Variants in ARID1A observed in about 807,000 individuals in gnomAD.
ARID1A encodes the protein AT-rich interaction domain 1A, also known as AT-rich interactive domain-containing protein 1A.
A neutral mutation model predicts 212.6 loss-of-function variants in ARID1A; 20 were observed. The observed-to-expected ratio is 0.09, with a 90% CI of 0.07 to 0.14. The LOEUF (loss-of-function observed/expected upper bound fraction) is 0.14, where lower values mean the gene tolerates loss of function less well. Ranked by LOEUF, ARID1A falls within the 10% of genes least tolerant of loss-of-function variation. ARID1A has a pLI of 1.00. For synonymous variants in ARID1A, 1,376 were observed against 1,222.1 expected, an observed-to-expected ratio of 1.13 and a Z score of -2.63; for missense variants, 2,587 against 3,059.0, an observed-to-expected ratio of 0.85 and a Z score of 3.64.
chr1:26,754,604 A>G (rs527790012), intron 4 of ARID1A, among the ~76,000 whole-genome samples: 2 of 152,296 alleles, frequency 1.3e-5, no homozygotes, highest in African/African-American at 4.8e-5. Flanking sequence ...CAGTTTGCCT[A>G]AGGTCACAAC....
At chr1:26,706,211 A>G (rs2080390797) in intron 1 of ARID1A, among the ~76,000 whole-genome samples, 1 of 152,122 alleles carries the variant, frequency 6.6e-6, no homozygotes, top group Admixed American at 6.5e-5. Context: ...TATGTTCCCA[A>G]GTCTGCAAAG....
chr1:26,736,902 CAA>C (rs35005598), intron 4 of ARID1A, among the ~76,000 whole-genome samples: 16 of 49,848 alleles, frequency 3.2e-4, no homozygotes, highest in South Asian at 6.9e-4. Context: ...AATTCTGTCT[CAA>C]AAAAAAAAAA....
chr1:26,761,296 T>G lies in ARID1A; in HGVS notation c.2162-88T>G, dbSNP rs2080989734. 1.3e-6 allele frequency: 2 copies of G among 1,535,062 alleles called. No individual in the cohort carries two copies. The highest frequency in any genetic ancestry group is 2.7e-5 in the African/African-American group (2 of 73,204). On this transcript the variant is annotated intron_variant, in intron 5 of 19. Transcript: ENST00000324856. Reference sequence around the variant, plus strand: ...TACTGGGAGGTACTTGGCCTCTTCATGAGCCATTTCTAGCTCTGAATTAAC... The same window carrying G: ...TACTGGGAGGTACTTGGCCTCTTCAGGAGCCATTTCTAGCTCTGAATTAAC...
intron 4 of ARID1A, among the ~76,000 whole-genome samples, chr1:26,746,742 T>G (rs1375917494): frequency 1.3e-5 from 2 of 152,132 alleles, no homozygotes; most frequent in Non-Finnish European, 2.9e-5. Context: ...ATACAAAAAA[T>G]TAGCTGGGTG....
intron 1 of ARID1A, among the ~76,000 whole-genome samples, chr1:26,709,328 C>T (rs1033508818): frequency 4.6e-5 from 7 of 152,100 alleles, no homozygotes; most frequent in Admixed American, 3.3e-4. Flanking sequence ...GAGTTGATAC[C>T]ACTATTCCCA....
chr1:26,706,408 T>G (rs1412776731), intron 1 of ARID1A, among the ~76,000 whole-genome samples: 2 of 152,304 alleles, frequency 1.3e-5, no homozygotes, highest in Middle Eastern at 3.4e-3. Flanking sequence ...CCAGGGGTGC[T>G]TGGGGGTTGT....
At position 26,771,081 on chromosome 1, in the gene ARID1A, G is replaced by A. The variant is rs535151857; in HGVS notation, c.3199-38G>A. The A allele has an allele frequency of 1.4e-5, 23 of 1,600,464 alleles. No homozygotes were observed. The East Asian group carries it at 3.6e-4, about 25-fold the overall frequency. The stretch of plus-strand genomic sequence containing the variant: ...GGGCTTATGGGCAGGAAAACCAGGC[G>A]GGAGATATACCTCGACTCCTTTGGT... On this transcript the variant is annotated intron_variant, in intron 11 of 19. Transcript: ENST00000324856. This position sits in a 1 kb window ranked among gnomAD's most constrained non-coding sequence, Gnocchi z 5.4.
intron 1 of ARID1A, among the ~76,000 whole-genome samples, chr1:26,715,589 T>A (rs765028200): frequency 9.2e-5 from 14 of 152,254 alleles, no homozygotes; most frequent in Non-Finnish European, 8.8e-5. Flanking sequence ...CCAGTGTGTC[T>A]TTGCGTACCA....
chr1:26,759,007 G>A (rs2080966258), intron 4 of ARID1A, among the ~76,000 whole-genome samples: 1 of 152,008 alleles, frequency 6.6e-6, no homozygotes, highest in South Asian at 2.1e-4. Flanking sequence ...GGTCCACCCA[G>A]CTTGGATACT....
intron 11 of ARID1A, chr1:26,770,087 AC>A (rs2081070526): frequency 6.6e-6 from 1 of 152,192 alleles, no homozygotes; most frequent in Admixed American, 6.6e-5. Context: ...GGTGACAGGC[AC>A]CTGTGGTCCC....
chr1:26,733,271 T>G (rs2080698255), intron 4 of ARID1A, among the ~76,000 whole-genome samples: 1 of 152,076 alleles, frequency 6.6e-6, no homozygotes, highest in Non-Finnish European at 1.5e-5. Context: ...TTTTTTTTAT[T>G]TTTGGTAGAG....
intron 4 of ARID1A, among the ~76,000 whole-genome samples, chr1:26,736,322 C>CAAAAAA (rs1159133678): frequency 3.8e-5 from 2 of 52,444 alleles, no homozygotes; most frequent in South Asian, 5.7e-4. Flanking sequence ...AACTCCATCT[C>CAAAAAA]AAAAAAAAAA....
intron 3 of ARID1A, among the ~76,000 whole-genome samples, chr1:26,731,866 T>C (rs1026116873): frequency 6.6e-6 from 1 of 152,200 alleles, no homozygotes; most frequent in Non-Finnish European, 1.5e-5. Flanking sequence ...TTAAAGATAA[T>C]GGGACTGGTT....
In ARID1A at chr1:26,772,936, G is replaced by C. The variant is rs2124107750; in HGVS notation, c.3664G>C (p.Gly1222Arg). Residue 1222 changes from glycine to arginine, a missense_variant, in exon 14 of 20, where the codon GGG becomes CGG. Gly to Arg is a moderately radical substitution (Grantham distance 125, BLOSUM62 -2). Transcript: ENST00000324856. ...CAGTATGAATACCTCTGACATGATG[G>C]GGCGCATGTCCTATGAGCCAAATAA... ...QPSMNTSDMM[G>R]RMSYEPNKDP... The C allele has an allele frequency of 6.2e-7, 1 of 1,613,980 alleles. No homozygotes were observed. The highest frequency in any genetic ancestry group is 8.5e-7 in the Non-Finnish European group (1 of 1,179,952).
intron 1 of ARID1A, among the ~76,000 whole-genome samples, chr1:26,717,976 TTTG>T (rs755964731): frequency 1.5e-4 from 23 of 152,252 alleles, no homozygotes; most frequent in Admixed American, 2.6e-4. Context: ...GTTATTTATT[TTTG>T]TTGTTGTTGT....
chr1:26,726,759 ATC>A (rs1242334679), intron 1 of ARID1A, among the ~76,000 whole-genome samples: 2 of 152,226 alleles, frequency 1.3e-5, no homozygotes, highest in Non-Finnish European at 2.9e-5. Flanking sequence ...AAAACACCTG[ATC>A]TCTGGCTTCC....
At chr1:26,747,256 T>G (rs556193845) in intron 4 of ARID1A, among the ~76,000 whole-genome samples, 6 of 152,228 alleles carry the variant, frequency 3.9e-5, no homozygotes, top group African/African-American at 1.4e-4. Flanking sequence ...CTGCCTGTTA[T>G]CAGCATAGAA....
In ARID1A at chr1:26,697,555, G is replaced by T; in HGVS notation, c.1137+15G>T. On this transcript the variant is annotated intron_variant, in intron 1 of 19. Coordinates refer to ENST00000324856, the MANE Select transcript of ARID1A (RefSeq NM_006015.6). Reference sequence around the variant, plus strand: ...GGACCCCTCAGGTACACAGCTGAGTGGGGAGGGGGCTGGGGCGAGCGTGGT... The same window carrying T: ...GGACCCCTCAGGTACACAGCTGAGTTGGGAGGGGGCTGGGGCGAGCGTGGT... 7.5e-7 allele frequency: 1 copy of T among 1,337,400 alleles called. No individual in the cohort carries two copies. The highest frequency in any genetic ancestry group is 2.0e-5 in the South Asian group (1 of 50,686). The allele number at this position is 1,337,400 out of a possible 1,614,324, so 82.8% of individuals were successfully genotyped here.
intron 1 of ARID1A, among the ~76,000 whole-genome samples, chr1:26,720,476 C>T (rs1300347453): frequency 1.0e-5 from 1 of 97,838 alleles, no homozygotes; most frequent in African/African-American, 4.0e-5. Flanking sequence ...GACTCCATCT[C>T]AAAAAAAAAA....
Sources: allele counts gnomAD v4.1 joint callset (sites outside exome capture counted in the v4.1 genomes callset), GRCh38; gene constraint gnomAD v4.1.1; non-coding constraint Gnocchi (gnomAD v3.1); transcripts MANE v1.5; gene names NCBI Gene and HGNC (gene_info 2026-07-23, HGNC 2026-07-21).